Variants in ADAM9 observed in about 807,000 individuals in gnomAD.
ADAM9 encodes ADAM metallopeptidase domain 9, also known as disintegrin and metalloproteinase domain-containing protein 9.
ADAM9 carries 54 observed loss-of-function variants against 108.1 expected under a neutral mutation model. The ratio of observed to expected loss-of-function variants is 0.50; its 90% CI spans 0.40 to 0.63. The LOEUF (loss-of-function observed/expected upper bound fraction) is 0.63, where lower values mean the gene tolerates loss of function less well. ADAM9 is among the 20% of genes least tolerant of loss of function. The probability of loss-of-function intolerance (pLI) is 0.00; values close to 1 mark genes in which losing one functional copy is unlikely to be tolerated. For missense variants in ADAM9, 830 were observed against 997.7 expected, an observed-to-expected ratio of 0.83 and a Z score of 2.26; for synonymous variants, 316 against 336.0, an observed-to-expected ratio of 0.94 and a Z score of 0.65.
chr8:39,054,975 G>C (rs754517513), intron 13 of ADAM9, among the ~76,000 whole-genome samples: 3 of 152,016 alleles, frequency 2.0e-5, no homozygotes, highest in Non-Finnish European at 4.4e-5. Context: ...TTTTAAGTGG[G>C]TAAGCACAGA....
At chr8:39,031,943 C>G (rs930656132) in intron 11 of ADAM9, among the ~76,000 whole-genome samples, 3 of 152,176 alleles carry the variant, frequency 2.0e-5, no homozygotes, top group African/African-American at 7.2e-5. Context: ...TGCTGGAGGT[C>G]CACTCCAGAC....
At chr8:39,019,510 T>C (rs1167714687) in intron 7 of ADAM9, among the ~76,000 whole-genome samples, 1 of 152,256 alleles carries the variant, frequency 6.6e-6, no homozygotes, top group African/African-American at 2.4e-5. Context: ...GTTTTAGAGA[T>C]AATGGCTGTA....
intron 16 of ADAM9, among the ~76,000 whole-genome samples, chr8:39,081,903 A>T (rs1839035812): frequency 6.6e-6 from 1 of 152,178 alleles, no homozygotes; most frequent in Non-Finnish European, 1.5e-5. Context: ...ATCACAACAG[A>T]GCAGTTTTCA....
chr8:39,100,577 CTTTAGAG>C lies in ADAM9; in HGVS notation c.2299-1284_2299-1278del, dbSNP rs755441420. 3.9e-5 allele frequency among the ~76,000 whole-genome samples: 6 copies of C among 151,968 alleles called. No homozygotes were observed. In the East Asian group the frequency reaches 1.2e-3, roughly 29 times the overall value. On this transcript the variant is annotated intron_variant, in intron 20 of 21. Coordinates refer to ENST00000487273, the MANE Select transcript of ADAM9 (RefSeq NM_003816.3). ...GTCATTCCAAAAGTGGACTTGATCCCTTTAGAGTGCTGTTCCTATGGCTTGTGGAAAG... is the reference window on the plus strand; with the variant it reads ...GTCATTCCAAAAGTGGACTTGATCCCTGCTGTTCCTATGGCTTGTGGAAAG...
At chr8:39,073,565 A>G (rs553301528) in intron 15 of ADAM9, among the ~76,000 whole-genome samples, 30 of 152,326 alleles carry the variant, frequency 2.0e-4, no homozygotes, top group Non-Finnish European at 3.8e-4. Context: ...TGGAGGAAAC[A>G]TAATAAATGA....
chr8:39,088,003 C>T (rs1267236822), intron 18 of ADAM9, among the ~76,000 whole-genome samples: 5 of 152,030 alleles, frequency 3.3e-5, no homozygotes, highest in Middle Eastern at 3.2e-3. Context: ...TAGAGAAAAG[C>T]AAATTTATTA....
At chr8:39,048,819 T>C (rs191943116) in intron 12 of ADAM9, among the ~76,000 whole-genome samples, 2 of 152,222 alleles carry the variant, frequency 1.3e-5, no homozygotes, top group East Asian at 3.9e-4. Flanking sequence ...TTTATCATTA[T>C]AAAATGTTTT....
intron 7 of ADAM9, among the ~76,000 whole-genome samples, chr8:39,020,633 A>G (rs190711208): frequency 2.0e-5 from 3 of 152,344 alleles, no homozygotes; most frequent in African/African-American, 2.4e-5. Context: ...TCATCTACAT[A>G]TGATTTTTTA....
In ADAM9 at chr8:39,013,990, G is replaced by A. The variant is rs146980702; in HGVS notation, c.280G>A (p.Val94Ile). ...NKDLLPEDFV[V>I]YTYNKEGTLI... ...AGACCTTTTGCCTGAAGATTTTGTG[G>A]TTTATACTTACAACAAGGAAGGGAC... Residue 94 changes from valine to isoleucine, a missense_variant, in exon 4 of 22, where the codon GTT (valine) becomes ATT (isoleucine). Coordinates refer to ENST00000487273, the MANE Select transcript of ADAM9 (RefSeq NM_003816.3). 4.0e-3 allele frequency: 6,517 copies of A among 1,613,312 alleles called. 24 individuals are homozygous for A. Among genetic ancestry groups the A allele is most frequent in the Non-Finnish European group, 5.2e-3 (6,108 of 1,179,522 alleles).
chr8:39,047,033 T>G (rs1837797648), intron 12 of ADAM9, among the ~76,000 whole-genome samples: 2 of 152,158 alleles, frequency 1.3e-5, no homozygotes, highest in African/African-American at 4.8e-5. Context: ...ACGCCCAGAG[T>G]GCTGGGATTA....
chr8:39,093,721 G>A (rs1839419249), intron 20 of ADAM9, among the ~76,000 whole-genome samples: 1 of 152,044 alleles, frequency 6.6e-6, no homozygotes, highest in African/African-American at 2.4e-5. Flanking sequence ...GTTAGCTGTG[G>A]GCGTGTGATG....
At chr8:39,053,872 T>G (rs191303045) in intron 12 of ADAM9, among the ~76,000 whole-genome samples, 1 of 152,330 alleles carries the variant, frequency 6.6e-6, no homozygotes, top group East Asian at 1.9e-4. Flanking sequence ...CATACTGTTA[T>G]GAACTGAATG....
chr8:39,027,651 A>G (rs1836963869), intron 11 of ADAM9, among the ~76,000 whole-genome samples: 1 of 152,216 alleles, frequency 6.6e-6, no homozygotes, highest in Non-Finnish European at 1.5e-5. Context: ...TTTCTAATGC[A>G]GATTCGTTGT....
chr8:39,005,742 G>A (rs1431752240), intron 1 of ADAM9, among the ~76,000 whole-genome samples: 1 of 152,164 alleles, frequency 6.6e-6, no homozygotes, highest in African/African-American at 2.4e-5. Context: ...TCCCTTTCCT[G>A]TCCTCCATTT....
At chr8:39,008,619 A>G (rs1346561878) in intron 2 of ADAM9, among the ~76,000 whole-genome samples, 1 of 152,224 alleles carries the variant, frequency 6.6e-6, no homozygotes. Context: ...TATTATAATA[A>G]GAATTATAAT....
chr8:39,070,698 C>T (rs1838654553), intron 14 of ADAM9, among the ~76,000 whole-genome samples: 1 of 149,020 alleles, frequency 6.7e-6, no homozygotes, highest in South Asian at 2.1e-4. Flanking sequence ...TTCAAGGTTA[C>T]AGTAAGCTAT....
chr8:39,003,596 A>AC (rs1240935187), intron 1 of ADAM9, among the ~76,000 whole-genome samples: 1 of 152,142 alleles, frequency 6.6e-6, no homozygotes, highest in Non-Finnish European at 1.5e-5. Context: ...TGGGAAAAAA[A>AC]CATGGGAAGG....
At chr8:39,052,348 T>G (rs949553940) in intron 12 of ADAM9, among the ~76,000 whole-genome samples, 1 of 152,138 alleles carries the variant, frequency 6.6e-6, no homozygotes, top group South Asian at 2.1e-4. Context: ...TTAGACCTCT[T>G]TCTATAAGAT....
At chr8:39,076,216 T>G (rs751525662) in intron 15 of ADAM9, 3 of 152,154 alleles carry the variant, frequency 2.0e-5, no homozygotes, top group Non-Finnish European at 4.4e-5. Context: ...AACTGGAACA[T>G]ATTTAGGAGG....
Sources: allele counts gnomAD v4.1 joint callset (sites outside exome capture counted in the v4.1 genomes callset), GRCh38; gene constraint gnomAD v4.1.1; transcripts MANE v1.5; gene names NCBI Gene and HGNC (gene_info 2026-07-23, HGNC 2026-07-21).